The following PLGLB2 variants were observed in gnomAD, a reference collection of about 807,000 sequenced individuals.
PLGLB2 encodes the protein plasminogen-like protein B.
intron 1 of PLGLB2, among the ~76,000 whole-genome samples, chr2:87,750,618 C>G (rs1458254940): frequency 6.8e-6 from 1 of 148,020 alleles, no homozygotes; most frequent in Non-Finnish European, 1.5e-5. Context: ...AGGTGGGGAG[C>G]AGGGGGACTT....
chr2:87,751,137 T>C (rs1217128996), intron 1 of PLGLB2: 6 of 100,926 alleles, frequency 5.9e-5, no homozygotes, highest in African/African-American at 2.0e-4. Context: ...GAACACCCTG[T>C]AGCCTTGTGG....
At chr2:87,750,882 TCTC>T (rs1347988399) in intron 1 of PLGLB2, among the ~76,000 whole-genome samples, 1 of 132,576 alleles carries the variant, frequency 7.5e-6, no homozygotes, top group African/African-American at 2.7e-5. Context: ...CCTCCACTGC[TCTC>T]CTCGTCACTC....
intron 1 of PLGLB2, among the ~76,000 whole-genome samples, chr2:87,750,754 T>C (rs1250000641): frequency 3.3e-5 from 5 of 150,988 alleles, no homozygotes; most frequent in African/African-American, 1.2e-4. Context: ...TACTGGATAT[T>C]TGTCATCAGC....
chr2:87,754,101 CTT>C (rs1299857973), intron 3 of PLGLB2, among the ~76,000 whole-genome samples: 1 of 8,196 alleles, frequency 1.2e-4, no homozygotes. Flanking sequence ...ATTTTTTACT[CTT>C]AAATTTTTCA....
At chr2:87,756,219 T>TCTAA (rs1394861870) in intron 3 of PLGLB2, 4 of 60,230 alleles carry the variant, frequency 6.6e-5, no homozygotes, top group Non-Finnish European at 1.4e-4. Flanking sequence ...GGGCCCATTG[T>TCTAA]CTAACTGGTG....
intron 1 of PLGLB2, among the ~76,000 whole-genome samples, chr2:87,750,195 G>A (rs1469083940): frequency 5.3e-5 from 8 of 152,264 alleles, no homozygotes; most frequent in African/African-American, 1.9e-4. Context: ...GCGCTATGAA[G>A]TATAATAACA....
At chr2:87,756,385 TCCC>T (rs1300876251) in intron 3 of PLGLB2, 4 of 147,312 alleles carry the variant, frequency 2.7e-5, no homozygotes, top group African/African-American at 1.0e-4. Flanking sequence ...AGCCTGCCAT[TCCC>T]CCATCTAAAA....
chr2:87,750,731 T>C (rs1427100023), intron 1 of PLGLB2, among the ~76,000 whole-genome samples: 1 of 150,986 alleles, frequency 6.6e-6, no homozygotes, highest in Non-Finnish European at 1.5e-5. Context: ...GAGAATCTGT[T>C]CATTTGCCTT....
chr2:87,749,111 C>G (rs1684602582), intron 1 of PLGLB2, among the ~76,000 whole-genome samples: 1 of 149,424 alleles, frequency 6.7e-6, no homozygotes, highest in Non-Finnish European at 1.5e-5. Flanking sequence ...CCTAGTAGTT[C>G]TTTTTCTTTT....
intron 3 of PLGLB2, chr2:87,756,337 G>T (rs1429602413): frequency 8.3e-6 from 1 of 119,866 alleles, no homozygotes; most frequent in African/African-American, 3.0e-5. Context: ...GGAGCCTGAA[G>T]AAATAGAAGT....
rs1220468750 is a variant in PLGLB2, at chr2:87,759,360, A to C, written c.*2542A>C. 6.2e-5 allele frequency among the ~76,000 whole-genome samples: 1 copy of C among 16,008 alleles called. No homozygotes were observed. The highest frequency in any genetic ancestry group is 1.5e-4 in the African/African-American group (1 of 6,482). 10.5% of individuals were successfully genotyped at this position (16,008 alleles called of 152,430 possible). On this transcript the variant is annotated 3_prime_UTR_variant, in exon 4 of 4. Transcript: ENST00000359481. ...AAATGTTACATCAACATGTACAAAT[A>C]TAAAACTACATCTAAACTCTAAGTA...
Position 87,759,095 on chromosome 2 carries a change from C to G in PLGLB2, c.*2277C>G, listed in dbSNP as rs1684837919. ...GCAATGGTGCGATCTCAGCTCACCA[C>G]AACCTCCGCCTCCGGGTTCAAGCGA... On this transcript the variant is annotated 3_prime_UTR_variant, in exon 4 of 4. Transcript: ENST00000359481. 1.5e-5 allele frequency among the ~76,000 whole-genome samples: 2 copies of G among 136,872 alleles called. No homozygotes were observed. The highest frequency in any genetic ancestry group is 5.2e-5 in the African/African-American group (2 of 38,612). The allele number at this position is 136,872 out of a possible 152,430, so 89.8% of individuals were successfully genotyped here. A position where few individuals can be genotyped will look rare whatever the true frequency, so the allele number is the denominator to read the frequency against.
intron 1 of PLGLB2, among the ~76,000 whole-genome samples, chr2:87,750,549 C>T (rs1684629583): frequency 6.6e-6 from 1 of 151,808 alleles, no homozygotes; most frequent in Non-Finnish European, 1.5e-5. Context: ...CCAACTCCTG[C>T]TCAATAATCC....
chr2:87,750,166 A>T (rs2104195733), intron 1 of PLGLB2, among the ~76,000 whole-genome samples: 1 of 152,404 alleles, frequency 6.6e-6, no homozygotes, highest in South Asian at 2.1e-4. Context: ...GGAGCTGGGG[A>T]GGGGATCTCA....
rs1684838194 is a variant in PLGLB2 at position 87,759,100 on chromosome 2, T to C, written c.*2282T>C. On this transcript the variant is annotated 3_prime_UTR_variant, in exon 4 of 4. Transcript: ENST00000359481. Reference sequence around the variant, plus strand: ...GGTGCGATCTCAGCTCACCACAACCTCCGCCTCCGGGTTCAAGCGATTCTC... The same window carrying C: ...GGTGCGATCTCAGCTCACCACAACCCCCGCCTCCGGGTTCAAGCGATTCTC... Among the ~76,000 whole-genome samples the C allele has an allele frequency of 7.6e-6, 1 of 130,898 alleles. No homozygotes were observed. Among genetic ancestry groups the C allele is most frequent in the African/African-American group, 2.7e-5 (1 of 37,080 alleles). 85.9% of individuals were successfully genotyped at this position (130,898 alleles called of 152,430 possible).
chr2:87,750,560 A>AT (rs951160309), intron 1 of PLGLB2, among the ~76,000 whole-genome samples: 1 of 151,584 alleles, frequency 6.6e-6, no homozygotes, highest in Non-Finnish European at 1.5e-5. Context: ...TCAATAATCC[A>AT]TTTTTCCAGC....
At chr2:87,750,466 G>T (rs1424292424) in intron 1 of PLGLB2, among the ~76,000 whole-genome samples, 1 of 151,890 alleles carries the variant, frequency 6.6e-6, no homozygotes, top group South Asian at 2.1e-4. Context: ...TGGGCCTAAA[G>T]CATCTATTTC....
intron 1 of PLGLB2, among the ~76,000 whole-genome samples, chr2:87,750,349 T>C (rs1324374185): frequency 6.6e-6 from 1 of 151,286 alleles, no homozygotes. Context: ...TGTGGATTTA[T>C]TGTGTGTTTT....
intron 1 of PLGLB2, among the ~76,000 whole-genome samples, chr2:87,750,216 A>G (rs1272669195): frequency 6.6e-6 from 1 of 152,258 alleles, no homozygotes; most frequent in Non-Finnish European, 1.5e-5. Flanking sequence ...TGACACAGAG[A>G]ACTTAATTGA....
Sources: gnomAD v4.1 joint callset for allele counts (sites outside exome capture counted in the v4.1 genomes callset) on GRCh38, gnomAD v4.1.1 for gene constraint, MANE v1.5 for transcripts, NCBI Gene and HGNC (gene_info 2026-07-23, HGNC 2026-07-21) for gene names.